Variants in CDH7 observed in about 807,000 individuals in gnomAD.
CDH7 encodes cadherin-7.
A neutral mutation model predicts 71.8 loss-of-function variants in CDH7; 25 were observed. The observed-to-expected ratio is 0.35, with a 90% CI of 0.25 to 0.49. CDH7 has a LOEUF of 0.49. CDH7 is among the 20% of genes least tolerant of loss of function. CDH7 has a pLI of 0.99. For missense variants in CDH7, 862 were observed against 974.6 expected (o/e 0.88, Z 1.54); for synonymous variants, 381 against 363.8 (o/e 1.05, Z -0.54).
At position 65,883,189 on chromosome 18, in the gene CDH7, T is replaced by C. The variant is rs1339434031; in HGVS notation, c.*2295T>C. 2.0e-5 allele frequency: 3 copies of C among 152,050 alleles called. No homozygotes were observed. Among genetic ancestry groups the C allele is most frequent in the African/African-American group, 7.2e-5 (3 of 41,426 alleles). The allele number at this position is 152,050 out of a possible 1,614,324, so 9.4% of individuals were successfully genotyped here. A position where few individuals can be genotyped will look rare whatever the true frequency, so the allele number is the denominator to read the frequency against. ...ATTGCTATTTATGTGTGGATGATTA[T>C]ATGAATACAGTATTACATTTCATTC... On this transcript the variant is annotated 3_prime_UTR_variant, in exon 12 of 12. Coordinates refer to ENST00000397968, the MANE Select transcript of CDH7 (RefSeq NM_004361.5).
intron 2 of CDH7, among the ~76,000 whole-genome samples, chr18:65,774,573 A>G (rs1413051457): frequency 6.6e-6 from 1 of 151,824 alleles, no homozygotes; most frequent in Non-Finnish European, 1.5e-5. Context: ...CTGACACTTC[A>G]TTTTCCATAT....
At chr18:65,795,228 T>G (rs75647898) in intron 2 of CDH7, among the ~76,000 whole-genome samples, 1 of 152,192 alleles carries the variant, frequency 6.6e-6, no homozygotes, top group East Asian at 1.9e-4. Context: ...ATTTGACACA[T>G]GTCCATTCCG....
intron 1 of CDH7, among the ~76,000 whole-genome samples, chr18:65,761,812 G>C (rs1916200517): frequency 6.6e-6 from 1 of 152,142 alleles, no homozygotes; most frequent in African/African-American, 2.4e-5. Context: ...TTCTGCTAAA[G>C]CACCTCCTGG....
chr18:65,850,172 TA>T (rs1568218861), intron 7 of CDH7, among the ~76,000 whole-genome samples: 1 of 52,702 alleles, frequency 1.9e-5, no homozygotes, highest in South Asian at 8.0e-4. Flanking sequence ...ACACTATATA[TA>T]ATATATATAT....
chr18:65,781,798 CCTTCCTTCCTTCCTTCCTTCCT>C (rs1910217948), intron 2 of CDH7, among the ~76,000 whole-genome samples: 3 of 74,944 alleles, frequency 4.0e-5, no homozygotes, highest in African/African-American at 2.6e-4. Context: ...TTCCTTCCTT[CCTTCCTTCCTTCCTTCCTTCCT>C]TCTTTCTTTC....
intron 2 of CDH7, among the ~76,000 whole-genome samples, chr18:65,796,475 C>T (rs1418189645): frequency 1.3e-5 from 2 of 152,144 alleles, no homozygotes; most frequent in Non-Finnish European, 2.9e-5. Flanking sequence ...TGTGCAGTTC[C>T]TGGGATGTAC....
chr18:65,829,118 G>GTTTTGTTTGTTTTTGTTTTTGT (rs1555686888), intron 6 of CDH7, among the ~76,000 whole-genome samples: 1 of 149,920 alleles, frequency 6.7e-6, no homozygotes, highest in Non-Finnish European at 1.5e-5. Context: ...TGTCATTTTT[G>GTTTTGTTTGTTTTTGTTTTTGT]TTTTGTTTTG....
At chr18:65,814,014 A>G (rs558362196) in intron 3 of CDH7, among the ~76,000 whole-genome samples, 47 of 152,292 alleles carry the variant, frequency 3.1e-4, no homozygotes, top group Non-Finnish European at 5.7e-4. Context: ...TTTGTCAATT[A>G]ATGACATTTT....
At chr18:65,782,028 CCCT>C (rs1568182193) in intron 2 of CDH7, among the ~76,000 whole-genome samples, 388 of 33,550 alleles carry the variant, frequency 0.012, 40 homozygotes, top group African/African-American at 0.026. Context: ...CTCTCTTTCT[CCCT>C]TCCTTCCTTC....
chr18:65,812,027 G>A (rs554023381), intron 3 of CDH7, among the ~76,000 whole-genome samples: 110 of 133,624 alleles, frequency 8.2e-4, no homozygotes, highest in East Asian at 2.0e-3. Context: ...AGAGTGCAGT[G>A]GTGTAATCTT....
intron 2 of CDH7, 69 bp downstream of exon 2, chr18:65,763,121 C>A: frequency 2.4e-6 from 2 of 823,072 alleles, no homozygotes; most frequent in African/African-American, 1.8e-5. Context: ...TGAAAAACTG[C>A]TATATATATA....
chr18:65,822,230 C>T lies in CDH7; in HGVS notation c.775C>T (p.Pro259Ser). 1 of 1,609,504 alleles carries T rather than the reference C, an allele frequency of 6.2e-7. No individual in the cohort carries two copies. The highest frequency in any genetic ancestry group is 8.5e-7 in the Non-Finnish European group (1 of 1,176,398). Reference protein sequence around the residue: ...TVTLTDVNDNPPRFPRRSYQY... With the variant: ...TVTLTDVNDNSPRFPRRSYQY... ...GACCCTAACTGATGTCAACGATAATCCACCTCGCTTTCCTCGAAGTAAGTT... is the reference window on the plus strand; with the variant it reads ...GACCCTAACTGATGTCAACGATAATTCACCTCGCTTTCCTCGAAGTAAGTT... Residue 259 changes from proline to serine, a missense_variant, in exon 5 of 12, where the codon CCA becomes TCA. Physicochemically the swap from Pro to Ser is moderately conservative, Grantham distance 74. Coordinates refer to ENST00000397968, the MANE Select transcript of CDH7 (RefSeq NM_004361.5).
At position 65,843,954 on chromosome 18, in the gene CDH7, C is replaced by A. The variant is rs1324408720; in HGVS notation, c.1124C>A (p.Pro375His). 3.7e-6 allele frequency: 6 copies of A among 1,612,178 alleles called. No homozygotes were observed. Among genetic ancestry groups the A allele is most frequent in the African/African-American group, 2.7e-5 (2 of 74,692 alleles). ...ATTGTGGAAGATGTAGATGAGCCCC[C>A]TGTGTTCTCTTCACCCTTGTACCCT... ...KIIVEDVDEP[P>H]VFSSPLYPME... The change falls in exon 7 of 12, where the codon CCT (proline) becomes CAT (histidine). Residue 375 changes from proline to histidine, a missense_variant. Coordinates refer to ENST00000397968, the MANE Select transcript of CDH7 (RefSeq NM_004361.5).
chr18:65,849,410 T>C (rs1913064193), intron 7 of CDH7, among the ~76,000 whole-genome samples: 1 of 120,650 alleles, frequency 8.3e-6, no homozygotes, highest in Admixed American at 8.8e-5. Context: ...TTTTCTTTTC[T>C]TTTCTTTTCT....
intron 1 of CDH7, among the ~76,000 whole-genome samples, chr18:65,762,026 A>C (rs546255077): frequency 6.6e-6 from 1 of 152,328 alleles, no homozygotes; most frequent in Non-Finnish European, 1.5e-5. Flanking sequence ...AGCATACATG[A>C]CAATAAGTTC....
chr18:65,864,723 C>A (rs1372332806), intron 11 of CDH7, among the ~76,000 whole-genome samples: 51 of 150,852 alleles, frequency 3.4e-4, no homozygotes, highest in Admixed American at 9.9e-4. Context: ...CCTGTCTCTA[C>A]TAAAAATACA....
chr18:65,781,864 T>TC (rs1910241735), intron 2 of CDH7, among the ~76,000 whole-genome samples: 1 of 54,630 alleles, frequency 1.8e-5, no homozygotes, highest in African/African-American at 1.5e-4. Flanking sequence ...CTTTCTTTCT[T>TC]TCTCTCTCTC....
chr18:65,832,023 C>T lies in CDH7; in HGVS notation c.981+7192C>T, dbSNP rs541214429. Reference sequence around the variant, plus strand: ...TGTTAAAGTCATAAATGTATTTGTTCTGGTGGTTCTGAATGTCTACATATT... The same window carrying T: ...TGTTAAAGTCATAAATGTATTTGTTTTGGTGGTTCTGAATGTCTACATATT... On this transcript the variant is annotated intron_variant, in intron 6 of 11. Coordinates refer to ENST00000397968, the MANE Select transcript of CDH7 (RefSeq NM_004361.5). Among the ~76,000 whole-genome samples the T allele has an allele frequency of 9.9e-5, 15 of 152,186 alleles. No individual in the cohort carries two copies. The South Asian group carries it at 1.7e-3, about 17-fold the overall frequency.
At chr18:65,789,729 A>G (rs1910643299) in intron 2 of CDH7, among the ~76,000 whole-genome samples, 2 of 152,128 alleles carry the variant, frequency 1.3e-5, no homozygotes, top group African/African-American at 4.8e-5. Context: ...GATGTTTAAC[A>G]GTTAAGTATG....
Sources: allele counts gnomAD v4.1 joint callset (sites outside exome capture counted in the v4.1 genomes callset), GRCh38; gene constraint gnomAD v4.1.1; transcripts MANE v1.5; gene names NCBI Gene and HGNC (gene_info 2026-07-23, HGNC 2026-07-21).